The following ARHGEF3 variants were observed in gnomAD, a reference collection of about 807,000 sequenced individuals.
The protein encoded by ARHGEF3 is Rho guanine nucleotide exchange factor 3, also known as 59.8 kDA protein.
ARHGEF3 carries 28 observed loss-of-function variants against 63.2 expected under a neutral mutation model. The observed-to-expected ratio is 0.44, with a 90% CI of 0.33 to 0.61. The LOEUF (loss-of-function observed/expected upper bound fraction) is 0.61. Among genes scored for constraint, ARHGEF3 ranks in the 20% least tolerant of loss-of-function variants. The probability of loss-of-function intolerance (pLI) is 0.03; values close to 1 mark genes in which losing one functional copy is unlikely to be tolerated. For synonymous variants in ARHGEF3, 266 were observed against 254.2 expected (o/e 1.05, Z -0.44); for missense variants, 533 against 659.3 (o/e 0.81, Z 2.10).
rs1406883355 is a variant in ARHGEF3, at chr3:56,745,433, G to C, written c.642C>G (p.Tyr214Ter). ...CTTTGGCGGCTACTTGATTGCTGCAGTAGCTATCATAGGAGCTGAGGCAAG... is the reference window on the plus strand; with the variant it reads ...CTTTGGCGGCTACTTGATTGCTGCACTAGCTATCATAGGAGCTGAGGCAAG... ...WLPCLSSYDS[Y>*]CSNQVAAKAL... is the part of the protein sequence containing the mutation. Residue 214 changes from tyrosine to a stop codon, truncating the protein, a stop_gained, in exon 7 of 10, where the codon TAC becomes TAG. Coordinates refer to ENST00000296315, the MANE Select transcript of ARHGEF3 (RefSeq NM_019555.3). LOFTEE classifies it high-confidence loss of function. 1.2e-6 allele frequency: 2 copies of C among 1,614,078 alleles called. No individual in the cohort carries two copies. Among genetic ancestry groups the C allele is most frequent in the African/African-American group, 2.7e-5 (2 of 75,018 alleles).
intron 4 of ARHGEF3, among the ~76,000 whole-genome samples, chr3:56,853,241 G>A (rs1026119064): frequency 1.3e-5 from 2 of 150,750 alleles, no homozygotes; most frequent in Admixed American, 1.3e-4. Flanking sequence ...CCAAAAGGTC[G>A]AGAGATTGTG....
At chr3:57,011,561 C>T (rs1044965894) in intron 2 of ARHGEF3, among the ~76,000 whole-genome samples, 2 of 152,152 alleles carry the variant, frequency 1.3e-5, no homozygotes, top group Non-Finnish European at 2.9e-5. Flanking sequence ...GACAGCCCCC[C>T]ACCTTCCCCC....
At chr3:56,899,427 C>G (rs751756406) in intron 3 of ARHGEF3, among the ~76,000 whole-genome samples, 1 of 152,182 alleles carries the variant, frequency 6.6e-6, no homozygotes, top group East Asian at 1.9e-4. Flanking sequence ...ACTCCCCTAA[C>G]GTTTACCATG....
At chr3:56,958,319 ATTTTTTTTT>A (rs532097300) in intron 3 of ARHGEF3, among the ~76,000 whole-genome samples, 7 of 133,290 alleles carry the variant, frequency 5.3e-5, no homozygotes, top group African/African-American at 2.0e-4. Context: ...GGCCACTTGA[ATTTTTTTTT>A]TTTTTTTTTT....
At chr3:57,020,293 C>G (rs756734516) in intron 2 of ARHGEF3, among the ~76,000 whole-genome samples, 1 of 152,206 alleles carries the variant, frequency 6.6e-6, no homozygotes, top group Non-Finnish European at 1.5e-5. Context: ...TCATGGCTCC[C>G]TGCCACCTCC....
chr3:56,742,922 T>A (rs2034136943), intron 7 of ARHGEF3, among the ~76,000 whole-genome samples: 1 of 152,216 alleles, frequency 6.6e-6, no homozygotes, highest in South Asian at 2.1e-4. Flanking sequence ...GGGTATTTTT[T>A]AAAAAAACAG....
intron 3 of ARHGEF3, among the ~76,000 whole-genome samples, chr3:56,901,385 T>C (rs1412565629): frequency 7.2e-6 from 1 of 138,948 alleles, no homozygotes; most frequent in Non-Finnish European, 1.5e-5. Context: ...TATGTATATG[T>C]ATATGTATAT....
chr3:56,838,241 A>G (rs192885543), intron 4 of ARHGEF3, among the ~76,000 whole-genome samples: 16 of 152,318 alleles, frequency 1.1e-4, no homozygotes, highest in Admixed American at 1.0e-3. Context: ...GGGGGGAATA[A>G]TTAAAAATTT....
intron 4 of ARHGEF3, among the ~76,000 whole-genome samples, chr3:56,813,094 A>G (rs2038133505): frequency 1.3e-5 from 2 of 152,358 alleles, no homozygotes; most frequent in Admixed American, 6.5e-5. Context: ...GGAAAATGCA[A>G]TAAGACATAA....
At chr3:56,840,835 A>AT (rs1211609040) in intron 4 of ARHGEF3, among the ~76,000 whole-genome samples, 1 of 152,076 alleles carries the variant, frequency 6.6e-6, no homozygotes, top group Non-Finnish European at 1.5e-5. Flanking sequence ...GAAGACTAAC[A>AT]TTTTTCATTT....
In ARHGEF3 at chr3:56,822,679, C is replaced by A. The variant is rs560780330; in HGVS notation, c.193-48863G>T. Among the ~76,000 whole-genome samples, 10 of 151,918 alleles carry A rather than the reference C, an allele frequency of 6.6e-5. No homozygotes were observed. In the South Asian group the frequency reaches 2.1e-3, roughly 32 times the overall value. ...ACCAGCCTGGGCAACACGGTGAAACCCCATCTGTACTAGAATTACAAAAAT... is the reference window on the plus strand; with the variant it reads ...ACCAGCCTGGGCAACACGGTGAAACACCATCTGTACTAGAATTACAAAAAT... On this transcript the variant is annotated intron_variant, in intron 4 of 12. Transcript: ENST00000338458.
chr3:56,967,454 CATATTATATATTATAT>C (rs1366417261), intron 2 of ARHGEF3, among the ~76,000 whole-genome samples: 1 of 16,828 alleles, frequency 5.9e-5, no homozygotes, highest in Non-Finnish European at 1.1e-4. Flanking sequence ...ATATATTATA[CATATTATATATTATAT>C]AATATATTAT....
intron 1 of ARHGEF3, among the ~76,000 whole-genome samples, chr3:57,059,942 G>T (rs1705131673): frequency 6.6e-6 from 1 of 152,146 alleles, no homozygotes; most frequent in African/African-American, 2.4e-5. Context: ...GTTGCAGTCA[G>T]CGGAGATCAC....
chr3:56,963,047 G>C (rs1000341129), intron 2 of ARHGEF3, among the ~76,000 whole-genome samples: 2 of 151,966 alleles, frequency 1.3e-5, no homozygotes, highest in African/African-American at 2.4e-5. Context: ...ATGGTGTTTA[G>C]GGAAGAGCCA....
At chr3:57,030,940 A>C (rs1703704512) in intron 2 of ARHGEF3, among the ~76,000 whole-genome samples, 1 of 152,192 alleles carries the variant, frequency 6.6e-6, no homozygotes, top group African/African-American at 2.4e-5. Flanking sequence ...CAGTAACAAA[A>C]CTGCATCTCA....
At chr3:56,873,226 T>G (rs1560011074) in intron 4 of ARHGEF3, among the ~76,000 whole-genome samples, 1 of 151,224 alleles carries the variant, frequency 6.6e-6, no homozygotes, top group African/African-American at 2.4e-5. Context: ...TATGTTTGTT[T>G]TTTTTTTTTT....
chr3:56,780,859 T>G (rs1307257319), intron 1 of ARHGEF3, among the ~76,000 whole-genome samples: 1 of 152,256 alleles, frequency 6.6e-6, no homozygotes, highest in Non-Finnish European at 1.5e-5. Flanking sequence ...ACTGGTGATG[T>G]TAACTTTGAC....
chr3:56,972,952 G>T (rs1352786678), intron 2 of ARHGEF3, among the ~76,000 whole-genome samples: 1 of 151,928 alleles, frequency 6.6e-6, no homozygotes, highest in African/African-American at 2.4e-5. Flanking sequence ...ATGAGGGATG[G>T]CAGGGACTTG....
chr3:56,834,188 C>T (rs1181295610), intron 4 of ARHGEF3, among the ~76,000 whole-genome samples: 1 of 152,118 alleles, frequency 6.6e-6, no homozygotes, highest in African/African-American at 2.4e-5. Context: ...CAAGCGTAAG[C>T]CACCACGCCT....
Sources: gnomAD v4.1 joint callset for allele counts (sites outside exome capture counted in the v4.1 genomes callset) on GRCh38, gnomAD v4.1.1 for gene constraint, MANE v1.5 for transcripts, NCBI Gene and HGNC (gene_info 2026-07-23, HGNC 2026-07-21) for gene names.